The following RALGAPB variants were observed in gnomAD, a reference collection of about 807,000 sequenced individuals.
The protein encoded by RALGAPB is Ral GTPase activating protein non-catalytic subunit beta.
A neutral mutation model predicts 161.1 loss-of-function variants in RALGAPB; 25 were observed. The ratio of observed to expected loss-of-function variants is 0.16; its 90% CI spans 0.11 to 0.22. The LOEUF (loss-of-function observed/expected upper bound fraction) is 0.22, where lower values mean the gene tolerates loss of function less well. Among genes scored for constraint, RALGAPB ranks in the 10% least tolerant of loss-of-function variants. RALGAPB has a pLI of 1.00. For synonymous variants in RALGAPB, 629 were observed against 626.1 expected (o/e 1.00, Z -0.07); for missense variants, 1,391 against 1,815.2 (o/e 0.77, Z 4.25).
intron 1 of RALGAPB, among the ~76,000 whole-genome samples, chr20:38,477,951 G>A (rs1397380508): frequency 6.6e-6 from 1 of 152,100 alleles, no homozygotes; most frequent in African/African-American, 2.4e-5. Flanking sequence ...ATGAGACTTT[G>A]TCTCTATAAA....
intron 22 of RALGAPB, among the ~76,000 whole-genome samples, chr20:38,556,676 G>A (rs537507361): frequency 1.1e-4 from 16 of 152,086 alleles, no homozygotes; most frequent in African/African-American, 3.1e-4. Flanking sequence ...ATATGTATGA[G>A]TTATGTTCCT....
chr20:38,539,664 C>A, intron 16 of RALGAPB, 112 bp from the exon 17 acceptor site: 1 of 920,006 alleles, frequency 1.1e-6, no homozygotes. Flanking sequence ...AAAAGCAAGG[C>A]TTCCTGTAGT....
At chr20:38,512,799 A>T (rs1241689499) in intron 6 of RALGAPB, among the ~76,000 whole-genome samples, 1 of 152,106 alleles carries the variant, frequency 6.6e-6, no homozygotes, top group African/African-American at 2.4e-5. Flanking sequence ...TCGCTCTGTC[A>T]CCCAGGCTGG....
At chr20:38,518,145 C>T in intron 9 of RALGAPB, 145 bp downstream of exon 9, 1 of 749,650 alleles carries the variant, frequency 1.3e-6, no homozygotes, top group Non-Finnish European at 2.1e-6. Flanking sequence ...TAACCCCTTC[C>T]AGCTGAAGTA....
intron 28 of RALGAPB, among the ~76,000 whole-genome samples, chr20:38,572,304 A>G (rs2088270410): frequency 6.6e-6 from 1 of 152,240 alleles, no homozygotes; most frequent in African/African-American, 2.4e-5. Flanking sequence ...GTATTTGTAT[A>G]GGCTTTGTAG....
In RALGAPB at chr20:38,494,531, C is replaced by T. The variant is rs144432963; in HGVS notation, c.389+1399C>T. On this transcript the variant is annotated intron_variant, in intron 3 of 29. Transcript: ENST00000262879. ...TTATAATCCCAGCTACATGGGAGGC[C>T]GAGGCAGGAGAATCGCTTGAATCTG... Among the ~76,000 whole-genome samples the T allele has an allele frequency of 7.3e-5, 11 of 151,564 alleles. No homozygotes were observed. The East Asian group carries it at 1.6e-3, about 21-fold the overall frequency.
chr20:38,569,503 T>C lies in RALGAPB; in HGVS notation c.3955-385T>C, dbSNP rs141962395. ...CTTGCTGATGGGACATTTTAGAGAT[T>C]AGGATCCCCAGACAAGTAGTGATGT... On this transcript the variant is annotated intron_variant, in intron 26 of 29. Coordinates refer to ENST00000262879, the MANE Select transcript of RALGAPB (RefSeq NM_020336.4). The C allele has an allele frequency of 2.5e-3, 405 of 163,114 alleles. 1 individual carries two copies. Among genetic ancestry groups the C allele is most frequent in the African/African-American group, 9.2e-3 (384 of 41,914 alleles). 10.1% of individuals were successfully genotyped at this position (163,114 alleles called of 1,614,324 possible). A position where few individuals can be genotyped will look rare whatever the true frequency, so the allele number is the denominator to read the frequency against.
At chr20:38,488,301 G>T in intron 1 of RALGAPB, 102 bp from the exon 2 acceptor site, 1 of 706,768 alleles carries the variant, frequency 1.4e-6, no homozygotes, top group Non-Finnish European at 2.3e-6. Context: ...CAAGATGTTT[G>T]CAGCATTCTT....
Position 38,539,958 on chromosome 20 carries a change from G to C in RALGAPB, c.2562G>C (p.Lys854Asn), listed in dbSNP as rs778747604. Residue 854 changes from lysine to asparagine, a missense_variant and splice_region_variant, in exon 17 of 30, where the codon AAG (lysine) becomes AAC (asparagine). This residue lies in a region of RALGAPB where 946 missense variants were observed against 1,257.2 expected (regional missense o/e 0.75). Transcript: ENST00000262879. ...AGCACCCTGATATGCTTGATGAAAAGGTGAGTTTATTTTATTTTAAACCAT... is the reference window on the plus strand; with the variant it reads ...AGCACCCTGATATGCTTGATGAAAACGTGAGTTTATTTTATTTTAAACCAT... ...LTEHPDMLDE[K>N]DCLKEVLEIV... 1 of 1,602,948 alleles carries C rather than the reference G, an allele frequency of 6.2e-7. No individual in the cohort carries two copies. The highest frequency in any genetic ancestry group is 1.3e-5 in the African/African-American group (1 of 74,532).
chr20:38,531,030 A>G (rs1240637978), intron 13 of RALGAPB, 137 bp from the exon 14 acceptor site: 3 of 712,268 alleles, frequency 4.2e-6, no homozygotes, highest in Non-Finnish European at 4.7e-6. Flanking sequence ...TTAAGAGCCA[A>G]CTATAATTTC....
chr20:38,536,230 G>A (rs1197866541), intron 16 of RALGAPB, among the ~76,000 whole-genome samples: 1 of 152,184 alleles, frequency 6.6e-6, no homozygotes, highest in Admixed American at 6.5e-5. Flanking sequence ...CATACAATGT[G>A]TGACCTTTTG....
intron 5 of RALGAPB, among the ~76,000 whole-genome samples, chr20:38,505,403 GACA>G: frequency 6.6e-6 from 1 of 152,242 alleles, no homozygotes; most frequent in African/African-American, 2.4e-5. Flanking sequence ...ACATAAAGAT[GACA>G]ACATTAGAAA....
chr20:38,490,000 C>A (rs1375698360), intron 2 of RALGAPB, among the ~76,000 whole-genome samples: 1 of 151,088 alleles, frequency 6.6e-6, no homozygotes, highest in African/African-American at 2.4e-5. Flanking sequence ...CCTGTTTCCT[C>A]TGGAATTATA....
In RALGAPB at chr20:38,517,775, G is replaced by A. The variant is rs369938379; in HGVS notation, c.1201-9G>A. 7.5e-6 allele frequency: 12 copies of A among 1,608,688 alleles called. No homozygotes were observed. The highest frequency in any genetic ancestry group is 1.7e-4 in the Middle Eastern group (1 of 6,050). On this transcript the variant is annotated splice_polypyrimidine_tract_variant and intron_variant, in intron 8 of 29. Coordinates refer to ENST00000262879, the MANE Select transcript of RALGAPB (RefSeq NM_020336.4). ...TTGGTATGGGTGTATTCTTGTGTTC[G>A]TCTAATAGGTTAGTACTGCTCATGC...
In RALGAPB at chr20:38,499,464, C is replaced by T; in HGVS notation, c.571C>T (p.Leu191=). 6.2e-7 allele frequency: 1 copy of T among 1,607,564 alleles called. No individual in the cohort carries two copies. Among genetic ancestry groups the T allele is most frequent in the Non-Finnish European group, 8.5e-7 (1 of 1,177,142 alleles). The part of the protein sequence containing the change: ...PTVQGGIAEN[L]AEKLIGVLFE... ...TTGGTAAGGTGGCATTGCTGAGAAT[C>T]TAGCAGAGAAGTTGATTGGTGTTCT... Residue 191 remains leucine, a synonymous_variant, in exon 5 of 30, where the codon CTA becomes TTA. Transcript: ENST00000262879.
At chr20:38,542,348 G>T (rs969419418) in intron 18 of RALGAPB, among the ~76,000 whole-genome samples, 3 of 152,206 alleles carry the variant, frequency 2.0e-5, no homozygotes, top group African/African-American at 7.2e-5. Context: ...CATGCACAGT[G>T]AAGTTGGATT....
intron 1 of RALGAPB, among the ~76,000 whole-genome samples, chr20:38,484,984 C>G (rs1015961360): frequency 4.6e-5 from 7 of 152,062 alleles, no homozygotes; most frequent in Non-Finnish European, 1.0e-4. Flanking sequence ...TGTGAGCCAC[C>G]ACCACACCTG....
At chr20:38,484,138 A>G (rs989243120) in intron 1 of RALGAPB, among the ~76,000 whole-genome samples, 5 of 152,102 alleles carry the variant, frequency 3.3e-5, no homozygotes, top group African/African-American at 7.2e-5. Flanking sequence ...AGATGGCGCT[A>G]TTGCACTCCA....
intron 24 of RALGAPB, among the ~76,000 whole-genome samples, chr20:38,565,025 G>C (rs1262205115): frequency 6.6e-6 from 1 of 151,380 alleles, no homozygotes; most frequent in African/African-American, 2.4e-5. Flanking sequence ...ACTCCCTTCT[G>C]AGGGACTGGG....
Sources: allele counts gnomAD v4.1 joint callset (sites outside exome capture counted in the v4.1 genomes callset), GRCh38; gene constraint gnomAD v4.1.1; regional missense constraint gnomAD v4.1.1; transcripts MANE v1.5; gene names NCBI Gene and HGNC (gene_info 2026-07-23, HGNC 2026-07-21).